The following SYT14 variants were observed in gnomAD, a reference collection of about 807,000 sequenced individuals.
SYT14 encodes synaptotagmin 14.
In SYT14, 32 loss-of-function variants were observed where a neutral mutation model predicts 74.2. The ratio of observed to expected loss-of-function variants is 0.43; its 90% CI spans 0.33 to 0.58. SYT14 has a LOEUF of 0.58. Among genes scored for constraint, SYT14 ranks in the 20% least tolerant of loss-of-function variants. SYT14 has a pLI of 0.05. For synonymous variants in SYT14, 298 were observed against 337.7 expected, an observed-to-expected ratio of 0.88 and a Z score of 1.29; for missense variants, 791 against 981.8, an observed-to-expected ratio of 0.81 and a Z score of 2.60.
rs553409155 is a variant in SYT14, at chr1:210,008,366, A to T, written c.-485-5267A>T. Reference sequence around the variant, plus strand: ...TATTGGCTGTGTGCTTTTAAATAGAATTTTTTTTTTTCTTTTTGAGATGGA... The same window carrying T: ...TATTGGCTGTGTGCTTTTAAATAGATTTTTTTTTTTTCTTTTTGAGATGGA... On this transcript the variant is annotated intron_variant, in intron 2 of 9. Transcript: ENST00000637265. Among the ~76,000 whole-genome samples, 17 of 150,014 alleles carry T rather than the reference A, an allele frequency of 1.1e-4. No homozygotes were observed. The South Asian group carries it at 3.6e-3, about 32-fold the overall frequency.
rs2027106 is a variant in SYT14 at position 210,070,247 on chromosome 1, A to C, written c.1313-24075A>C. 1.9e-4 allele frequency among the ~76,000 whole-genome samples: 29 copies of C among 152,246 alleles called. No individual in the cohort carries two copies. The East Asian group carries it at 3.7e-3, about 19-fold the overall frequency. ...TTGCAGGAAGGCCTGGATCTCAAATATGAAAAGGTAAAACTCTGTTAGAGT... is the reference window on the plus strand; with the variant it reads ...TTGCAGGAAGGCCTGGATCTCAAATCTGAAAAGGTAAAACTCTGTTAGAGT... On this transcript the variant is annotated intron_variant, in intron 5 of 9. Transcript: ENST00000637265.
At position 209,979,307 on chromosome 1, in the gene SYT14, G is replaced by C. The variant is rs147235553; in HGVS notation, c.-486+26551G>C. ...GTCTTCTGCGTCGCTCACACTGGGA[G>C]CTCTAGACTGGAGCTGTTCCTATTC... On this transcript the variant is annotated intron_variant, in intron 2 of 9. Coordinates refer to ENST00000637265, the Ensembl canonical transcript of SYT14. 1.8e-3 allele frequency among the ~76,000 whole-genome samples: 267 copies of C among 152,276 alleles called. 1 individual carries two copies. The highest frequency in any genetic ancestry group is 5.8e-3 in the African/African-American group (242 of 41,566).
In SYT14 at chr1:210,114,984, A is replaced by G. The variant is rs2082330891; in HGVS notation, c.2034+14523A>G. ...GGGGACAGGCAGGAGGGAAAGAAGG[A>G]ATATTTGGGACGAGTTGCATTGGGA... On this transcript the variant is annotated intron_variant, in intron 7 of 9. Coordinates refer to ENST00000637265, the Ensembl canonical transcript of SYT14. 1.3e-5 allele frequency among the ~76,000 whole-genome samples: 2 copies of G among 150,898 alleles called. 1 individual carries two copies. Among genetic ancestry groups the G allele is most frequent in the African/African-American group, 5.0e-5 (2 of 40,346 alleles).
At chr1:210,114,875 A>G (rs2082328641) in intron 7 of SYT14, among the ~76,000 whole-genome samples, 1 of 151,004 alleles carries the variant, frequency 6.6e-6, no homozygotes, top group Admixed American at 6.6e-5. Flanking sequence ...AGCAAGGAGC[A>G]GCCTGGGGAG....
At chr1:210,169,479 T>C (rs2083499253) in exon 10 of SYT14, 1 of 152,058 alleles carries the variant, frequency 6.6e-6, no homozygotes, top group Non-Finnish European at 1.5e-5. Context: ...GTGATACTTC[T>C]AACAGCATTT....
chr1:209,993,962 T>C (rs1295995265), intron 2 of SYT14, among the ~76,000 whole-genome samples: 1 of 152,212 alleles, frequency 6.6e-6, no homozygotes, highest in Admixed American at 6.5e-5. Context: ...CTAAAGATGT[T>C]GTACGGAGCC....
chr1:209,942,828 T>C (rs1202791955), intron 1 of SYT14, among the ~76,000 whole-genome samples: 1 of 152,202 alleles, frequency 6.6e-6, no homozygotes, highest in African/African-American at 2.4e-5. Context: ...GTTACGTTGC[T>C]GTATTAACTT....
intron 5 of SYT14, among the ~76,000 whole-genome samples, chr1:210,075,849 C>T (rs566275923): frequency 2.0e-5 from 3 of 152,144 alleles, no homozygotes; most frequent in Non-Finnish European, 4.4e-5. Flanking sequence ...TATAGATTTT[C>T]TGTTACCAAA....
chr1:210,149,676 C>T (rs4844508), intron 7 of SYT14, among the ~76,000 whole-genome samples: 91,336 of 152,070 alleles, frequency 0.6, 28,622 homozygotes, highest in East Asian at 0.85. Flanking sequence ...TTTTCTACTT[C>T]TATTGTAGCT....
chr1:210,086,490 C>G lies in SYT14; in HGVS notation c.1313-7832C>G, dbSNP rs548754704. 5.3e-5 allele frequency among the ~76,000 whole-genome samples: 8 copies of G among 152,212 alleles called. No homozygotes were observed. In the South Asian group the frequency reaches 1.7e-3, roughly 32 times the overall value. ...AGCACTGTCAAGCTGATTTATTTGT[C>G]CTTTTGACATATCCCCATCAGTCTT... On this transcript the variant is annotated intron_variant, in intron 5 of 9. Coordinates refer to ENST00000637265, the Ensembl canonical transcript of SYT14.
intron 8 of SYT14, among the ~76,000 whole-genome samples, chr1:210,158,852 A>G (rs2083319258): frequency 6.6e-6 from 1 of 152,198 alleles, no homozygotes; most frequent in Non-Finnish European, 1.5e-5. Flanking sequence ...ATATTATATA[A>G]GATTATAGCC....
At chr1:209,956,623 G>A (rs1225220487) in intron 2 of SYT14, among the ~76,000 whole-genome samples, 2 of 152,134 alleles carry the variant, frequency 1.3e-5, no homozygotes, top group Non-Finnish European at 2.9e-5. Flanking sequence ...AAGTGTTAGT[G>A]AGTCAGTGAG....
rs530870741 is a variant in SYT14 at position 210,048,750 on chromosome 1, C to T, written c.1312+27496C>T. Among the ~76,000 whole-genome samples the T allele has an allele frequency of 2.0e-5, 3 of 152,318 alleles. No homozygotes were observed. In the East Asian group the frequency reaches 5.8e-4, roughly 29 times the overall value. On this transcript the variant is annotated intron_variant, in intron 5 of 9. Transcript: ENST00000637265. ...CCCCCAGAGTCTTGTCTTATTTCAG[C>T]ATTAACTCGGAAGTCCACAGTCCAG...
chr1:209,976,298 G>A (rs553892142), intron 2 of SYT14, among the ~76,000 whole-genome samples: 8 of 142,382 alleles, frequency 5.6e-5, no homozygotes, highest in Non-Finnish European at 1.1e-4. Context: ...GTGATGTTAG[G>A]GTGTCAATTT....
intron 2 of SYT14, among the ~76,000 whole-genome samples, chr1:209,972,882 C>T (rs933665128): frequency 2.0e-5 from 3 of 152,020 alleles, no homozygotes; most frequent in African/African-American, 4.8e-5. Context: ...AAGTATCAAA[C>T]TTAAGTCCAG....
intron 6 of SYT14, among the ~76,000 whole-genome samples, chr1:210,097,973 T>G (rs2081995171): frequency 6.6e-6 from 1 of 152,064 alleles, no homozygotes; most frequent in Non-Finnish European, 1.5e-5. Context: ...GCCCAAGAGT[T>G]TGAGACCAGC....
intron 2 of SYT14, among the ~76,000 whole-genome samples, chr1:209,984,152 G>T (rs2102811806): frequency 6.6e-6 from 1 of 152,310 alleles, no homozygotes; most frequent in African/African-American, 2.4e-5. Flanking sequence ...ATGCCAGAAT[G>T]ATCAAAATGC....
intron 5 of SYT14, among the ~76,000 whole-genome samples, chr1:210,036,247 A>C (rs1170328464): frequency 6.6e-6 from 1 of 152,070 alleles, no homozygotes; most frequent in Non-Finnish European, 1.5e-5. Flanking sequence ...GTTGGTGTAT[A>C]GAAATGCTGC....
intron 7 of SYT14, among the ~76,000 whole-genome samples, chr1:210,102,313 T>C (rs1245273913): frequency 6.6e-6 from 1 of 152,192 alleles, no homozygotes; most frequent in Admixed American, 6.5e-5. Flanking sequence ...GTAACATTTA[T>C]ATTTGAATAA....
Sources: gnomAD v4.1 joint callset for allele counts (sites outside exome capture counted in the v4.1 genomes callset) on GRCh38, gnomAD v4.1.1 for gene constraint, MANE v1.5 for transcripts, NCBI Gene and HGNC (gene_info 2026-07-23, HGNC 2026-07-21) for gene names.